Variants in ANKRD31 observed in about 807,000 individuals in gnomAD.
The protein encoded by ANKRD31 is ankyrin repeat domain 31, also known as ankyrin repeat domain-containing protein 31.
In ANKRD31, 147 loss-of-function variants were observed where a neutral mutation model predicts 186.0. That is an observed-to-expected ratio of 0.79 (90% CI 0.69 to 0.91). The LOEUF is 0.91. ANKRD31 is among the 40% of genes least tolerant of loss of function. The pLI, the probability that ANKRD31 is intolerant of heterozygous loss-of-function variation, is 0.00. For missense variants in ANKRD31, 1,986 were observed against 2,148.8 expected (o/e 0.92, Z 1.50); for synonymous variants, 673 against 736.4 (o/e 0.91, Z 1.39).
At chr5:75,145,507 T>G (rs1751370445) in intron 14 of ANKRD31, among the ~76,000 whole-genome samples, 1 of 152,016 alleles carries the variant, frequency 6.6e-6, no homozygotes, top group Non-Finnish European at 1.5e-5. Flanking sequence ...AGACACCACA[T>G]GTTCTCACTC....
chr5:75,099,064 G>A (rs1050147180), intron 22 of ANKRD31, among the ~76,000 whole-genome samples: 1 of 151,994 alleles, frequency 6.6e-6, no homozygotes, highest in African/African-American at 2.4e-5. Flanking sequence ...ATTGGCTGTG[G>A]GTTTGTCATA....
intron 25 of ANKRD31, among the ~76,000 whole-genome samples, chr5:75,074,390 C>G (rs887819210): frequency 8.5e-5 from 13 of 152,220 alleles, no homozygotes; most frequent in African/African-American, 3.1e-4. Flanking sequence ...ATTCCCTACC[C>G]ATTTCATTCC....
chr5:75,106,198 A>T (rs1747318389), intron 21 of ANKRD31, among the ~76,000 whole-genome samples: 1 of 152,130 alleles, frequency 6.6e-6, no homozygotes, highest in Non-Finnish European at 1.5e-5. Flanking sequence ...TCACGAGAGA[A>T]TGAGAGCAAG....
rs76335338 is a variant in ANKRD31 at position 75,170,181 on chromosome 5, T to C, written c.1565-1060A>G. Among the ~76,000 whole-genome samples, 370 of 152,246 alleles carry C rather than the reference T, an allele frequency of 2.4e-3. 9 individuals carry two copies. The East Asian group carries it at 0.062, about 25-fold the overall frequency. On this transcript the variant is annotated intron_variant, in intron 10 of 25. Transcript: ENST00000506364. Reference sequence around the variant, plus strand: ...TATGATAGCTATAGCACAACGGATATGGGGGAATAAATGGACTATATGTAT... The same window carrying C: ...TATGATAGCTATAGCACAACGGATACGGGGGAATAAATGGACTATATGTAT...
At chr5:75,202,773 T>C (rs926230323) in intron 5 of ANKRD31, among the ~76,000 whole-genome samples, 1 of 152,206 alleles carries the variant, frequency 6.6e-6, no homozygotes, top group African/African-American at 2.4e-5. Flanking sequence ...TCTGGAATTA[T>C]AATAAAATGA....
At chr5:75,183,956 A>G (rs1411109850) in intron 10 of ANKRD31, among the ~76,000 whole-genome samples, 1 of 152,150 alleles carries the variant, frequency 6.6e-6, no homozygotes, top group African/African-American at 2.4e-5. Context: ...AGCCAAAGCA[A>G]CCTTGAGCAA....
chr5:75,114,956 C>A (rs911885954), intron 19 of ANKRD31, among the ~76,000 whole-genome samples: 26 of 152,280 alleles, frequency 1.7e-4, no homozygotes, highest in African/African-American at 5.5e-4. Context: ...CCAAGTCAAT[C>A]CTGAGCCAAA....
intron 19 of ANKRD31, among the ~76,000 whole-genome samples, chr5:75,115,278 A>C (rs1214813438): frequency 1.2e-4 from 18 of 151,310 alleles, no homozygotes; most frequent in Non-Finnish European, 2.4e-4. Flanking sequence ...TAAAGACTTA[A>C]ATGTTAGACC....
chr5:75,195,682 T>G lies in ANKRD31; in HGVS notation c.966A>C (p.Glu322Asp), dbSNP rs1755414118. The part of the protein sequence containing the change: ...SSLIARNECL[E>D]VEFNTSQTNE... ...TGGTCTGAGACGTATTGAACTCCACTTCTAAACATTCATTTCTGGCAATGA... is the reference window on the plus strand; with the variant it reads ...TGGTCTGAGACGTATTGAACTCCACGTCTAAACATTCATTTCTGGCAATGA... Residue 322 changes from glutamate (E) to aspartate (D), a missense_variant, in exon 7 of 26, where the codon GAA (glutamate) becomes GAC (aspartate). By Grantham distance (45) the Glu-to-Asp change is conservative. Transcript: ENST00000506364. 3 of 1,537,254 alleles carry G rather than the reference T, an allele frequency of 2.0e-6. No homozygotes were observed. In the South Asian group the frequency reaches 3.6e-5, roughly 18 times the overall value.
intron 10 of ANKRD31, among the ~76,000 whole-genome samples, chr5:75,186,968 C>T (rs1247304210): frequency 1.3e-5 from 2 of 151,754 alleles, no homozygotes; most frequent in East Asian, 3.9e-4. Flanking sequence ...ATTGAACTAA[C>T]ACGATAGAGG....
At chr5:75,137,706 T>C (rs1345430912) in intron 17 of ANKRD31, 150 bp downstream of exon 17, 5 of 645,048 alleles carry the variant, frequency 7.8e-6, no homozygotes, top group African/African-American at 7.4e-5. Flanking sequence ...TCCATATATA[T>C]TATTGTATCT....
At chr5:75,165,544 T>G (rs547365986) in intron 11 of ANKRD31, among the ~76,000 whole-genome samples, 1 of 152,296 alleles carries the variant, frequency 6.6e-6, no homozygotes, top group Admixed American at 6.5e-5. Context: ...CTCATGATTT[T>G]TTTTCCTTCT....
intron 23 of ANKRD31, among the ~76,000 whole-genome samples, chr5:75,084,937 G>A (rs1745367454): frequency 6.6e-6 from 1 of 151,982 alleles, no homozygotes. Context: ...TCAGAGCTTA[G>A]AAATATCTAC....
intron 10 of ANKRD31, among the ~76,000 whole-genome samples, chr5:75,169,361 A>G (rs1753153701): frequency 6.6e-6 from 1 of 152,166 alleles, no homozygotes; most frequent in Admixed American, 6.6e-5. Flanking sequence ...GAAACAAAAT[A>G]TTTGAAAGTA....
At chr5:75,216,101 C>T (rs1316687940) in intron 3 of ANKRD31, among the ~76,000 whole-genome samples, 1 of 151,946 alleles carries the variant, frequency 6.6e-6, no homozygotes, top group Non-Finnish European at 1.5e-5. Context: ...TAAAAAGAAC[C>T]AAATATCCAA....
At chr5:75,082,964 A>C (rs1315732270) in intron 24 of ANKRD31, among the ~76,000 whole-genome samples, 1 of 152,224 alleles carries the variant, frequency 6.6e-6, no homozygotes, top group Non-Finnish European at 1.5e-5. Flanking sequence ...TGCTTCCTAC[A>C]TAGAATTACT....
intron 17 of ANKRD31, among the ~76,000 whole-genome samples, chr5:75,130,624 C>T (rs927764967): frequency 6.6e-6 from 1 of 152,138 alleles, no homozygotes; most frequent in Admixed American, 6.6e-5. Flanking sequence ...TCTCCAAATT[C>T]CCACCAGATT....
At chr5:75,208,790 G>C (rs998745923) in intron 4 of ANKRD31, among the ~76,000 whole-genome samples, 43 of 152,114 alleles carry the variant, frequency 2.8e-4, no homozygotes, top group South Asian at 6.2e-4. Flanking sequence ...ATTGTTTTTT[G>C]GGCATATTCA....
chr5:75,132,668 C>A (rs1580389603), intron 17 of ANKRD31, among the ~76,000 whole-genome samples: 1 of 152,170 alleles, frequency 6.6e-6, no homozygotes, highest in East Asian at 1.9e-4. Context: ...ACAGAGAACG[C>A]CACAAAGATA....
Sources: gnomAD v4.1 joint callset for allele counts (sites outside exome capture counted in the v4.1 genomes callset) on GRCh38, gnomAD v4.1.1 for gene constraint, MANE v1.5 for transcripts, NCBI Gene and HGNC (gene_info 2026-07-23, HGNC 2026-07-21) for gene names.